Variants in ATXN7 observed in about 807,000 individuals in gnomAD.
ATXN7 encodes the protein ataxin-7.
A neutral mutation model predicts 70.5 loss-of-function variants in ATXN7; 12 were observed. The observed-to-expected ratio is 0.17, with a 90% CI of 0.11 to 0.28. The LOEUF is 0.28. Ranked by LOEUF, ATXN7 falls within the 10% of genes least tolerant of loss-of-function variation. The probability of loss-of-function intolerance (pLI) is 1.00; values close to 1 mark genes in which losing one functional copy is unlikely to be tolerated. For synonymous variants in ATXN7, 498 were observed against 448.7 expected, an observed-to-expected ratio of 1.11 and a Z score of -1.39; for missense variants, 1,256 against 1,131.7, an observed-to-expected ratio of 1.11 and a Z score of -1.58.
intron 11 of ATXN7, 177 bp downstream of exon 11, chr3:63,991,036 C>T: frequency 4.7e-6 from 4 of 843,844 alleles, no homozygotes; most frequent in Non-Finnish European, 7.2e-6. Context: ...CCCACAACTA[C>T]ATATTGTTGT....
At chr3:63,984,770 A>G (rs2075546879) in intron 8 of ATXN7, among the ~76,000 whole-genome samples, 1 of 152,180 alleles carries the variant, frequency 6.6e-6, no homozygotes, top group Non-Finnish European at 1.5e-5. Context: ...ATGCTCATTG[A>G]TTAGTAACTC....
At chr3:63,863,582 A>G (rs549394550), upstream of ATXN7, 100 of 1,197,126 alleles carry the variant, frequency 8.4e-5, 2 homozygotes, top group East Asian at 4.2e-4. Flanking sequence ...CTCTGGCGAG[A>G]GGAGGAAGGA....
At position 64,001,255 on chromosome 3, in the gene ATXN7, T is replaced by A. The variant is rs1341900227; in HGVS notation, c.*1788T>A. On this transcript the variant is annotated 3_prime_UTR_variant, in exon 13 of 13. Coordinates refer to ENST00000674280, the MANE Select transcript of ATXN7 (RefSeq NM_001377405.1). ...TTTTTAAAGGAAGGAGAGAACAGTA[T>A]CTTGTTCAATTATTATGCAATCAAT... 1 of 152,220 alleles carries A rather than the reference T, an allele frequency of 6.6e-6. No homozygotes were observed. The highest frequency in any genetic ancestry group is 2.4e-5 in the African/African-American group (1 of 41,464). The allele number at this position is 152,220 out of a possible 1,614,324, so 9.4% of individuals were successfully genotyped here. A position where few individuals can be genotyped will look rare whatever the true frequency, so the allele number is the denominator to read the frequency against.
intron 1 of ATXN7, among the ~76,000 whole-genome samples, chr3:63,892,509 A>C (rs975496016): frequency 6.6e-6 from 1 of 151,504 alleles, no homozygotes; most frequent in African/African-American, 2.4e-5. Context: ...ACACACACAC[A>C]CACACCCCAA....
chr3:63,984,056 G>A (rs1428772900), intron 8 of ATXN7, among the ~76,000 whole-genome samples: 1 of 152,102 alleles, frequency 6.6e-6, no homozygotes, highest in Admixed American at 6.5e-5. Flanking sequence ...GCCAGTGGAG[G>A]CATGTTACAG....
chr3:63,872,965 C>G (rs1032775409), intron 1 of ATXN7, among the ~76,000 whole-genome samples: 1 of 151,914 alleles, frequency 6.6e-6, no homozygotes, highest in African/African-American at 2.4e-5. Flanking sequence ...ATGTCTATAC[C>G]AGTGTTTCTT....
Position 63,881,242 on chromosome 3 carries a change from C to T in ATXN7, c.-111+17084C>T, listed in dbSNP as rs548362543. ...AAAAATGGATTACTCTTAGCCATGC[C>T]TTTTTGTGATTGAGTAGTACCAATG... On this transcript the variant is annotated intron_variant, in intron 1 of 12. Transcript: ENST00000674280. Among the ~76,000 whole-genome samples, 3 of 93,902 alleles carry T rather than the reference C, an allele frequency of 3.2e-5. No homozygotes were observed. In the South Asian group the frequency reaches 1.6e-3, roughly 50 times the overall value. The allele number at this position is 93,902 out of a possible 152,430, so 61.6% of individuals were successfully genotyped here. A position where few individuals can be genotyped will look rare whatever the true frequency, so the allele number is the denominator to read the frequency against.
At chr3:63,933,217 G>C (rs1263716694) in intron 4 of ATXN7, among the ~76,000 whole-genome samples, 2 of 152,116 alleles carry the variant, frequency 1.3e-5, no homozygotes, top group Admixed American at 1.3e-4. Flanking sequence ...CTTTCTCTCT[G>C]AGTCTCTCCC....
intron 11 of ATXN7, among the ~76,000 whole-genome samples, chr3:63,992,304 G>T (rs953105051): frequency 1.3e-5 from 2 of 152,154 alleles, no homozygotes; most frequent in African/African-American, 4.8e-5. Flanking sequence ...TCTGGTTCTT[G>T]CTGGATAAGA....
chr3:63,996,453 A>G lies in ATXN7; in HGVS notation c.2631A>G (p.Gln877=). Residue 877 remains glutamine, a synonymous_variant, in exon 12 of 13, where the codon CAA becomes CAG. Coordinates refer to ENST00000674280, the MANE Select transcript of ATXN7 (RefSeq NM_001377405.1). ...MKHTGTIPGA[Q]GLMNSSLLHQ... ...ACACAGGCACCATCCCAGGGGCACA[A>G]GGACTGATGAACAGTTCCCTCCTTC... The G allele has an allele frequency of 6.2e-7, 1 of 1,614,186 alleles. No homozygotes were observed. The highest frequency in any genetic ancestry group is 1.3e-5 in the African/African-American group (1 of 75,054).
chr3:63,991,905 G>C (rs993786850), intron 11 of ATXN7, among the ~76,000 whole-genome samples: 1 of 152,136 alleles, frequency 6.6e-6, no homozygotes, highest in Non-Finnish European at 1.5e-5. Flanking sequence ...TTGAAGCAGG[G>C]AATGTCACGT....
chr3:63,915,031 G>A (rs968365587), intron 4 of ATXN7, among the ~76,000 whole-genome samples: 28 of 152,112 alleles, frequency 1.8e-4, no homozygotes, highest in African/African-American at 6.8e-4. Context: ...CACCTCCCAG[G>A]TTCAAGCGAT....
At chr3:63,907,624 G>C (rs1345990138) in intron 2 of ATXN7, among the ~76,000 whole-genome samples, 1 of 145,520 alleles carries the variant, frequency 6.9e-6, no homozygotes, top group Non-Finnish European at 1.5e-5. Flanking sequence ...ATGCCTGGCT[G>C]TATTTTTTTT....
chr3:63,936,696 G>A (rs948557347), intron 4 of ATXN7, among the ~76,000 whole-genome samples: 3 of 152,178 alleles, frequency 2.0e-5, no homozygotes, highest in African/African-American at 4.8e-5. Flanking sequence ...TTTTGTGTAG[G>A]AAAGTAGGAG....
intron 1 of ATXN7, chr3:63,867,143 C>T (rs922902057): frequency 6.6e-6 from 1 of 152,104 alleles, no homozygotes; most frequent in Non-Finnish European, 1.5e-5. Context: ...TCCTGGGGGT[C>T]TGTGACCCTC....
chr3:63,970,783 C>G (rs987009144), intron 5 of ATXN7, among the ~76,000 whole-genome samples: 1 of 152,156 alleles, frequency 6.6e-6, no homozygotes, highest in Admixed American at 6.5e-5. Flanking sequence ...GTAATCTGCC[C>G]TTTGTGATCT....
chr3:63,995,999 C>G lies in ATXN7; in HGVS notation c.2177C>G (p.Ser726Cys). The G allele has an allele frequency of 6.2e-7, 1 of 1,609,070 alleles. No homozygotes were observed. Among genetic ancestry groups the G allele is most frequent in the Non-Finnish European group, 8.5e-7 (1 of 1,175,396 alleles). The change falls in exon 12 of 13, where the codon TCT (serine) becomes TGT (cysteine). Residue 726 changes from serine to cysteine, a missense_variant. By Grantham distance (112) the Ser-to-Cys change is moderately radical. Coordinates refer to ENST00000674280, the MANE Select transcript of ATXN7 (RefSeq NM_001377405.1). ...HSSSSSSSSSSSSHSMESFRK... is the reference protein window; with the variant it reads ...HSSSSSSSSSCSSHSMESFRK... ...TCCTCCTCCTCTTCCTCCTCCTCCT[C>G]TTCTTCTCATTCCATGGAGTCTTTT...
At chr3:63,877,273 G>A (rs530591631) in intron 1 of ATXN7, among the ~76,000 whole-genome samples, 1 of 152,214 alleles carries the variant, frequency 6.6e-6, no homozygotes, top group East Asian at 1.9e-4. Context: ...AGAAAACTCA[G>A]AAAATTCCAC....
At chr3:63,906,532 T>C (rs1703845341) in intron 2 of ATXN7, among the ~76,000 whole-genome samples, 2 of 152,230 alleles carry the variant, frequency 1.3e-5, no homozygotes, top group Admixed American at 6.5e-5. Context: ...AGACTAAATG[T>C]ATGTCTCATT....
Sources: gnomAD v4.1 joint callset for allele counts (sites outside exome capture counted in the v4.1 genomes callset) on GRCh38, gnomAD v4.1.1 for gene constraint, MANE v1.5 for transcripts, NCBI Gene and HGNC (gene_info 2026-07-23, HGNC 2026-07-21) for gene names.